GALNT16: variants seen among roughly 807,000 people sequenced by gnomAD.
The protein encoded by GALNT16 is UDP-GalNAc:polypeptide N-acetylgalactosaminyltransferase-like protein 1.
In GALNT16, 40 loss-of-function variants were observed where a neutral mutation model predicts 76.1. That is an observed-to-expected ratio of 0.53 (90% confidence interval 0.41 to 0.68). GALNT16 has a LOEUF of 0.68. Among genes scored for constraint, GALNT16 ranks in the 30% least tolerant of loss-of-function variants. The probability of loss-of-function intolerance (pLI) is 0.00; values close to 1 mark genes in which losing one functional copy is unlikely to be tolerated. For synonymous variants in GALNT16, 276 were observed against 285.2 expected (o/e 0.97, Z 0.32); for missense variants, 621 against 731.9 (o/e 0.85, Z 1.75).
At chr14:69,381,499 A>G in the GALNT16 span, among the ~76,000 whole-genome samples, 1 of 152,158 alleles carries the variant, frequency 6.6e-6, no homozygotes, top group Admixed American at 6.5e-5. Context: ...AAGCTCCAAA[A>G]TATCTCTAAT....
rs549970041 is a variant in GALNT16, at chr14:69,312,229, C to T, written c.178-8482C>T. On this transcript the variant is annotated intron_variant, in intron 1 of 14. Transcript: ENST00000448469. ...TCATGCCACTGCACTCTAGGCTGGG[C>T]AACAGAGCAAGACCCTATCTCTAAA... Among the ~76,000 whole-genome samples the T allele has an allele frequency of 6.0e-4, 92 of 152,140 alleles. 1 individual carries two copies. The highest frequency in any genetic ancestry group is 2.6e-4 in the Non-Finnish European group (18 of 67,994).
chr14:69,328,277 G>A (rs1455138784), intron 5 of GALNT16, among the ~76,000 whole-genome samples, 173 bp from the exon 6 acceptor site: 1 of 152,026 alleles, frequency 6.6e-6, no homozygotes, highest in African/African-American at 2.4e-5. Context: ...GGGTGGATAA[G>A]AAGAAGCAAG....
At chr14:69,288,951 C>T (rs1156635108) in intron 1 of GALNT16, among the ~76,000 whole-genome samples, 2 of 152,128 alleles carry the variant, frequency 1.3e-5, no homozygotes, top group African/African-American at 2.4e-5. Flanking sequence ...GATCACAGCT[C>T]ACTGCAGCCT....
the GALNT16 span, among the ~76,000 whole-genome samples, chr14:69,369,826 T>C: frequency 6.6e-6 from 1 of 152,054 alleles, no homozygotes; most frequent in Admixed American, 6.6e-5. Flanking sequence ...CTCTCTAAGG[T>C]CCCCCTGAGG....
intron 1 of GALNT16, 136 bp downstream of exon 1, chr14:69,260,603 G>A (rs2044252739): frequency 7.4e-6 from 4 of 539,940 alleles, no homozygotes; most frequent in Non-Finnish European, 1.1e-5. Context: ...ATATGTTGGA[G>A]CATTCCTGCC....
At chr14:69,371,241 T>G in the GALNT16 span, among the ~76,000 whole-genome samples, 1 of 152,038 alleles carries the variant, frequency 6.6e-6, no homozygotes, top group East Asian at 1.9e-4. Context: ...CTGGTAGTAT[T>G]GTATTAATAG....
chr14:69,282,584 C>T (rs370432143), intron 1 of GALNT16, among the ~76,000 whole-genome samples: 1 of 151,974 alleles, frequency 6.6e-6, no homozygotes, highest in African/African-American at 2.4e-5. Flanking sequence ...TGCCTAAGTG[C>T]GGGCCCTGTA....
chr14:69,322,981 T>C (rs369460361), intron 2 of GALNT16, among the ~76,000 whole-genome samples: 2,672 of 28,234 alleles, frequency 0.095, 116 homozygotes, highest in African/African-American at 0.27. Context: ...TGTGTGTGTG[T>C]GCGCGCGCAC....
intron 6 of GALNT16, among the ~76,000 whole-genome samples, chr14:69,329,989 A>G (rs1282551508): frequency 3.3e-5 from 5 of 152,182 alleles, no homozygotes; most frequent in Admixed American, 1.3e-4. Flanking sequence ...TGCTGGCAGG[A>G]ATGTAAAGTA....
chr14:69,325,895 G>C lies in GALNT16; in HGVS notation c.503-67G>C, dbSNP rs1398036093. ...GGCTTAGTATGGGGCAATTTTCATG[G>C]CAGCCAAACCACTAGTGGCCTGATG... On this transcript the variant is annotated intron_variant, in intron 4 of 14. Coordinates refer to ENST00000448469, the MANE Select transcript of GALNT16 (RefSeq NM_001168368.2). 5 of 1,292,610 alleles carry C rather than the reference G, an allele frequency of 3.9e-6. No homozygotes were observed. In the African/African-American group the frequency reaches 7.3e-5, roughly 19 times the overall value. The allele number at this position is 1,292,610 out of a possible 1,614,324, so 80.1% of individuals were successfully genotyped here.
intron 14 of GALNT16, chr14:69,350,762 A>G (rs1441415051): frequency 6.6e-6 from 1 of 152,238 alleles, no homozygotes; most frequent in African/African-American, 2.4e-5. Context: ...CATGGTCACA[A>G]GCACTCCTGC....
the GALNT16 span, among the ~76,000 whole-genome samples, chr14:69,383,953 G>A: frequency 6.6e-6 from 1 of 152,092 alleles, no homozygotes; most frequent in African/African-American, 2.4e-5. Flanking sequence ...TTTGAGACCA[G>A]CCTGGGTAAT....
At chr14:69,363,725 G>A in the GALNT16 span, among the ~76,000 whole-genome samples, 3 of 150,924 alleles carry the variant, frequency 2.0e-5, no homozygotes, top group Non-Finnish European at 3.0e-5. Flanking sequence ...GGCAAGATGA[G>A]CCTCTCCTAG....
chr14:69,267,983 G>A (rs1005962658), intron 1 of GALNT16, among the ~76,000 whole-genome samples: 1 of 152,204 alleles, frequency 6.6e-6, no homozygotes, highest in Non-Finnish European at 1.5e-5. Context: ...TCGACCACAT[G>A]TATTAAGAAG....
chr14:69,381,307 G>A, the GALNT16 span, among the ~76,000 whole-genome samples: 1 of 152,154 alleles, frequency 6.6e-6, no homozygotes, highest in Non-Finnish European at 1.5e-5. Context: ...CTTTAGATTT[G>A]CAATGTTTAT....
At chr14:69,327,334 G>A (rs1339893107) in intron 5 of GALNT16, among the ~76,000 whole-genome samples, 1 of 152,104 alleles carries the variant, frequency 6.6e-6, no homozygotes, top group Non-Finnish European at 1.5e-5. Flanking sequence ...CTCCAGCCTG[G>A]GTGACAGAGC....
intron 5 of GALNT16, among the ~76,000 whole-genome samples, chr14:69,326,229 C>G (rs368374404): frequency 6.6e-6 from 1 of 152,250 alleles, no homozygotes; most frequent in Non-Finnish European, 1.5e-5. Flanking sequence ...GTTGCTCCAT[C>G]TCTGACTGCC....
At chr14:69,312,381 C>A (rs1328858813) in intron 1 of GALNT16, among the ~76,000 whole-genome samples, 2 of 152,202 alleles carry the variant, frequency 1.3e-5, no homozygotes, top group Non-Finnish European at 2.9e-5. Context: ...AGAAGTGGCA[C>A]CGACCTGGAC....
At chr14:69,324,617 C>T in intron 2 of GALNT16, 75 bp from the exon 3 acceptor site, 2 of 801,632 alleles carry the variant, frequency 2.5e-6, no homozygotes, top group Non-Finnish European at 4.0e-6. Flanking sequence ...AGGCACAAGA[C>T]TGGACAAAGA....
Sources: gnomAD v4.1 joint callset for allele counts (sites outside exome capture counted in the v4.1 genomes callset) on GRCh38, gnomAD v4.1.1 for gene constraint, MANE v1.5 for transcripts, NCBI Gene and HGNC (gene_info 2026-07-23, HGNC 2026-07-21) for gene names.